Variants in XKR9 observed in about 807,000 individuals in gnomAD.
XKR9 encodes the protein XK related 9.
A neutral mutation model predicts 32.0 loss-of-function variants in XKR9; 32 were observed. The observed-to-expected ratio is 1.00, with a 90% confidence interval of 0.76 to 1.34. The LOEUF (loss-of-function observed/expected upper bound fraction) is 1.34. Ranked by LOEUF, XKR9 falls within the 40% of genes most tolerant of loss-of-function variation. The pLI is 0.00. For missense variants in XKR9, 546 were observed against 429.7 expected (o/e 1.27, Z -2.39); for synonymous variants, 168 against 143.4 (o/e 1.17, Z -1.22).
At chr8:70,904,173 T>C in the XKR9 span, among the ~76,000 whole-genome samples, 12 of 152,206 alleles carry the variant, frequency 7.9e-5, no homozygotes, top group African/African-American at 2.9e-4. Flanking sequence ...CTGGATATCC[T>C]TGTTAACTTT....
At chr8:70,705,738 G>A (rs1478080361) in intron 3 of XKR9, among the ~76,000 whole-genome samples, 1 of 152,166 alleles carries the variant, frequency 6.6e-6, no homozygotes, top group African/African-American at 2.4e-5. Context: ...ACCCCAATGA[G>A]TAGTGACATC....
At chr8:70,728,269 T>C (rs1389390131) in intron 4 of XKR9, among the ~76,000 whole-genome samples, 1 of 152,136 alleles carries the variant, frequency 6.6e-6, no homozygotes, top group Non-Finnish European at 1.5e-5. Context: ...ACTCTTAATC[T>C]TAAGGTGTTG....
chr8:71,022,767 T>C, the XKR9 span, among the ~76,000 whole-genome samples: 3 of 152,324 alleles, frequency 2.0e-5, no homozygotes, highest in African/African-American at 7.2e-5. Context: ...TGCTTTATAG[T>C]GTCCCATACT....
intron 4 of XKR9, among the ~76,000 whole-genome samples, chr8:70,710,419 G>A (rs1805872920): frequency 6.6e-6 from 1 of 152,132 alleles, no homozygotes; most frequent in African/African-American, 2.4e-5. Context: ...AATGATTGCA[G>A]GCTGGGCACT....
At chr8:70,922,573 G>A in the XKR9 span, among the ~76,000 whole-genome samples, 3 of 152,324 alleles carry the variant, frequency 2.0e-5, no homozygotes, top group African/African-American at 7.2e-5. Flanking sequence ...CATTGTTGAA[G>A]AGATGAAGAG....
rs199871400 is a variant in XKR9, at chr8:70,692,667, C to T, written c.272+11337C>T. Among the ~76,000 whole-genome samples, 4 of 152,216 alleles carry T rather than the reference C, an allele frequency of 2.6e-5. No individual in the cohort carries two copies. The East Asian group carries it at 5.8e-4, about 22-fold the overall frequency. ...GATCTTGGCTCACTGCAACCTCCAC[C>T]TCCCAGGTTCAAGCGATTCTCCTGC... On this transcript the variant is annotated intron_variant, in intron 3 of 4. Coordinates refer to ENST00000408926, the MANE Select transcript of XKR9 (RefSeq NM_001011720.2).
At chr8:70,809,911 C>T in the XKR9 span, among the ~76,000 whole-genome samples, 1 of 152,100 alleles carries the variant, frequency 6.6e-6, no homozygotes, top group African/African-American at 2.4e-5. Flanking sequence ...CAAGGCAGGC[C>T]AACATTCAGA....
the XKR9 span, among the ~76,000 whole-genome samples, chr8:70,991,188 A>G: frequency 2.0e-5 from 3 of 152,322 alleles, no homozygotes; most frequent in South Asian, 2.1e-4. Flanking sequence ...GTCTTGCTGC[A>G]GGGAAATAAT....
At chr8:70,891,561 A>T in the XKR9 span, among the ~76,000 whole-genome samples, 1 of 152,010 alleles carries the variant, frequency 6.6e-6, no homozygotes, top group African/African-American at 2.4e-5. Flanking sequence ...GGACATTCAT[A>T]GCACATTGTT....
the XKR9 span, among the ~76,000 whole-genome samples, chr8:70,911,392 A>G: frequency 1.3e-5 from 2 of 152,172 alleles, no homozygotes; most frequent in Non-Finnish European, 2.9e-5. Context: ...CAAATTTATA[A>G]TGTATTTTTG....
intron 3 of XKR9, among the ~76,000 whole-genome samples, chr8:70,683,784 G>A (rs991468882): frequency 3.9e-5 from 6 of 152,158 alleles, no homozygotes; most frequent in East Asian, 3.8e-4. Flanking sequence ...CACCATGTTC[G>A]GCCCTAGAAT....
downstream of XKR9, among the ~76,000 whole-genome samples, chr8:70,736,949 G>A (rs1185670464): frequency 5.9e-5 from 9 of 152,252 alleles, no homozygotes; most frequent in East Asian, 9.6e-4. Context: ...TCGGCGATGC[G>A]GGCTCTTTTT....
At chr8:70,715,221 C>T (rs1372479562) in intron 4 of XKR9, among the ~76,000 whole-genome samples, 1 of 152,186 alleles carries the variant, frequency 6.6e-6, no homozygotes, top group African/African-American at 2.4e-5. Context: ...GTAAACATGT[C>T]CCCTATGCTT....
the XKR9 span, among the ~76,000 whole-genome samples, chr8:70,879,402 G>T: frequency 1.1e-4 from 16 of 152,008 alleles, no homozygotes; most frequent in Non-Finnish European, 2.1e-4. Flanking sequence ...AAAATTGATA[G>T]ACCACTAGTA....
chr8:70,707,251 A>C, intron 4 of XKR9, 98 bp downstream of exon 4: 1 of 852,646 alleles, frequency 1.2e-6, no homozygotes, highest in Non-Finnish European at 1.8e-6. Context: ...TTAATACTTT[A>C]AAAATTATTT....
At chr8:70,809,863 T>A in the XKR9 span, among the ~76,000 whole-genome samples, 2 of 152,176 alleles carry the variant, frequency 1.3e-5, no homozygotes, top group South Asian at 4.2e-4. Context: ...TGGAAAACAC[T>A]CTGCAGGATA....
chr8:70,723,189 C>T (rs944530641), intron 4 of XKR9, among the ~76,000 whole-genome samples: 3 of 152,124 alleles, frequency 2.0e-5, no homozygotes, highest in Non-Finnish European at 4.4e-5. Context: ...TTCTAGTTAG[C>T]AGTTCCTGTA....
chr8:70,961,910 T>A, the XKR9 span, among the ~76,000 whole-genome samples: 2 of 152,226 alleles, frequency 1.3e-5, no homozygotes, highest in Non-Finnish European at 2.9e-5. Flanking sequence ...TTACTGCTTA[T>A]GTTTAGTAGA....
the XKR9 span, among the ~76,000 whole-genome samples, chr8:70,969,522 T>C: frequency 6.6e-6 from 1 of 152,112 alleles, no homozygotes; most frequent in Non-Finnish European, 1.5e-5. Context: ...TAAATGTGAG[T>C]GGACATTTGA....
Sources: allele counts gnomAD v4.1 joint callset (sites outside exome capture counted in the v4.1 genomes callset), GRCh38; gene constraint gnomAD v4.1.1; transcripts MANE v1.5; gene names NCBI Gene and HGNC (gene_info 2026-07-23, HGNC 2026-07-21).